Variants in PUM2 observed in about 807,000 individuals in gnomAD.
PUM2 encodes the protein pumilio homolog 2.
PUM2 carries 57 observed loss-of-function variants against 124.5 expected under a neutral mutation model. That is an observed-to-expected ratio of 0.46 (90% CI 0.37 to 0.57). PUM2 has a LOEUF of 0.57. Ranked by LOEUF, PUM2 falls within the 20% of genes least tolerant of loss-of-function variation. PUM2 has a pLI of 0.00. For synonymous variants in PUM2, 460 were observed against 446.1 expected (o/e 1.03, Z -0.39); for missense variants, 1,065 against 1,290.6 (o/e 0.83, Z 2.68).
intron 13 of PUM2, among the ~76,000 whole-genome samples, chr2:20,274,829 T>C (rs1164767144): frequency 6.6e-6 from 1 of 151,204 alleles, no homozygotes; most frequent in Non-Finnish European, 1.5e-5. Flanking sequence ...AAAAAAATTA[T>C]CAACACTATA....
At chr2:20,337,181 G>C (rs1429113682) in intron 1 of PUM2, among the ~76,000 whole-genome samples, 1 of 151,892 alleles carries the variant, frequency 6.6e-6, no homozygotes, top group African/African-American at 2.4e-5. Context: ...AAAAAAAACT[G>C]TGTAAGCCTG....
intron 17 of PUM2, among the ~76,000 whole-genome samples, chr2:20,255,747 G>A (rs1664618712): frequency 1.3e-5 from 2 of 152,062 alleles, no homozygotes; most frequent in African/African-American, 4.8e-5. Flanking sequence ...TCCCTTCTCT[G>A]AGTAAACCTG....
intron 6 of PUM2, 102 bp downstream of exon 6, chr2:20,308,212 G>C: frequency 6.8e-7 from 1 of 1,479,048 alleles, no homozygotes; most frequent in Non-Finnish European, 9.1e-7. Context: ...AAAACATTTA[G>C]TACTCAAAAA....
At chr2:20,328,229 G>A (rs188308363) in intron 1 of PUM2, among the ~76,000 whole-genome samples, 6 of 152,226 alleles carry the variant, frequency 3.9e-5, no homozygotes, top group African/African-American at 9.6e-5. Context: ...CCAGCTATTC[G>A]GGTGGCAGAA....
At chr2:20,290,897 A>G in intron 9 of PUM2, 107 bp from the exon 10 acceptor site, 1 of 895,202 alleles carries the variant, frequency 1.1e-6, no homozygotes, top group Non-Finnish European at 1.6e-6. Context: ...ATATTTTTTA[A>G]ACATTTACAT....
chr2:20,340,526 A>C (rs868863647), intron 1 of PUM2, among the ~76,000 whole-genome samples: 1 of 152,238 alleles, frequency 6.6e-6, no homozygotes, highest in Non-Finnish European at 1.5e-5. Context: ...CTAGTTCTCA[A>C]ACACTTACAA....
chr2:20,303,800 A>T (rs1295370859), intron 7 of PUM2, among the ~76,000 whole-genome samples: 1 of 152,128 alleles, frequency 6.6e-6, no homozygotes, highest in African/African-American at 2.4e-5. Context: ...CTATTTTTTC[A>T]ATGACTTATT....
At chr2:20,309,449 T>TTAC (rs1219498219) in intron 5 of PUM2, among the ~76,000 whole-genome samples, 1 of 150,112 alleles carries the variant, frequency 6.7e-6, no homozygotes, top group East Asian at 1.9e-4. Flanking sequence ...AAAAAGGACC[T>TTAC]TACTACTATA....
rs1663308725 is a variant in PUM2 at position 20,251,577 on chromosome 2, C to T, written c.*8G>A. ...GTTAAATTATCTTCTTTCTCTTGCT[C>T]CTGTAATTTACAGCATTCCATTTGG... On this transcript the variant is annotated 3_prime_UTR_variant, in exon 21 of 21. Coordinates refer to ENST00000361078, the MANE Select transcript of PUM2 (RefSeq NM_015317.5). 6.2e-7 allele frequency: 1 copy of T among 1,608,616 alleles called. No homozygotes were observed.
chr2:20,296,018 A>G (rs1336065104), intron 8 of PUM2, among the ~76,000 whole-genome samples: 1 of 152,196 alleles, frequency 6.6e-6, no homozygotes, highest in African/African-American at 2.4e-5. Context: ...GGTTCTCTGT[A>G]TTATACCAAC....
upstream of PUM2, among the ~76,000 whole-genome samples, chr2:20,351,010 T>G (rs1277093208): frequency 4.6e-5 from 7 of 151,844 alleles, no homozygotes; most frequent in Non-Finnish European, 8.8e-5. Flanking sequence ...TCTCACGTGT[T>G]TGGCCGCCTC....
rs1416964712 is a variant in PUM2, at chr2:20,301,822, C to T, written c.884-4144G>A. On this transcript the variant is annotated intron_variant, in intron 7 of 20. Transcript: ENST00000361078. Reference sequence around the variant, plus strand: ...CAAACTCCTGGGCTCAAGCAATCCACCCAACTTGACCTCCCCACAATGCTG... The same window carrying T: ...CAAACTCCTGGGCTCAAGCAATCCATCCAACTTGACCTCCCCACAATGCTG... Among the ~76,000 whole-genome samples the T allele has an allele frequency of 3.3e-5, 5 of 152,190 alleles. No homozygotes were observed. In the East Asian group the frequency reaches 9.6e-4, roughly 29 times the overall value.
chr2:20,303,767 C>T (rs1478875022), intron 7 of PUM2, among the ~76,000 whole-genome samples: 4 of 152,138 alleles, frequency 2.6e-5, no homozygotes, highest in African/African-American at 9.7e-5. Context: ...TAGGTGATAG[C>T]CAATTATGCA....
intron 10 of PUM2, among the ~76,000 whole-genome samples, chr2:20,287,359 A>T (rs1672983568): frequency 1.3e-5 from 2 of 152,236 alleles, no homozygotes; most frequent in African/African-American, 4.8e-5. Context: ...GAGCACTGGG[A>T]AAGATTGAGG....
chr2:20,309,050 T>G (rs1416225508), intron 5 of PUM2, among the ~76,000 whole-genome samples: 1 of 152,158 alleles, frequency 6.6e-6, no homozygotes, highest in East Asian at 1.9e-4. Flanking sequence ...TTAATAATAC[T>G]TAAGAAAAAA....
intron 1 of PUM2, among the ~76,000 whole-genome samples, chr2:20,338,453 C>A (rs541607784): frequency 6.6e-6 from 1 of 152,120 alleles, no homozygotes; most frequent in Non-Finnish European, 1.5e-5. Context: ...TCCCTTCATG[C>A]GCAAATCCCA....
chr2:20,337,970 T>G (rs976137382), intron 1 of PUM2, among the ~76,000 whole-genome samples: 1 of 152,094 alleles, frequency 6.6e-6, no homozygotes, highest in African/African-American at 2.4e-5. Flanking sequence ...ATAGGAAAAC[T>G]GGCCACAATT....
In PUM2 at chr2:20,326,765, G is replaced by A. The variant is rs1683783029; in HGVS notation, c.51+545C>T. ...AGCTAATAATTTACAGGGGAGACAA[G>A]TGTAAAACAAACTAACCAGCAATAT... On this transcript the variant is annotated intron_variant, in intron 2 of 20. Transcript: ENST00000361078. Among the ~76,000 whole-genome samples, 5 of 152,184 alleles carry A rather than the reference G, an allele frequency of 3.3e-5. No homozygotes were observed. The South Asian group carries it at 1.0e-3, about 31-fold the overall frequency.
intron 13 of PUM2, among the ~76,000 whole-genome samples, chr2:20,276,665 T>C (rs1670342639): frequency 6.6e-6 from 1 of 152,062 alleles, no homozygotes; most frequent in Non-Finnish European, 1.5e-5. Flanking sequence ...GCAGAGTAGA[T>C]TATTTCCATG....
Sources: gnomAD v4.1 joint callset for allele counts (sites outside exome capture counted in the v4.1 genomes callset) on GRCh38, gnomAD v4.1.1 for gene constraint, MANE v1.5 for transcripts, NCBI Gene and HGNC (gene_info 2026-07-23, HGNC 2026-07-21) for gene names.